The following CORO7 variants were observed in gnomAD, a reference collection of about 807,000 sequenced individuals.
CORO7 encodes coronin 7, also known as coronin-7.
A neutral mutation model predicts 126.6 loss-of-function variants in CORO7; 107 were observed. That is an observed-to-expected ratio of 0.85 (90% CI 0.72 to 0.99). The LOEUF is 0.99. Ranked by LOEUF, CORO7 falls within the 50% of genes least tolerant of loss-of-function variation. The probability of loss-of-function intolerance (pLI) is 0.00; values close to 1 mark genes in which losing one functional copy is unlikely to be tolerated. For synonymous variants in CORO7, 603 were observed against 536.8 expected, an observed-to-expected ratio of 1.12 and a Z score of -1.70; for missense variants, 1,314 against 1,255.8, an observed-to-expected ratio of 1.05 and a Z score of -0.70.
chr16:4,408,336 C>A, intron 3 of CORO7, 85 bp from the exon 4 acceptor site: 2 of 1,580,060 alleles, frequency 1.3e-6, no homozygotes, highest in East Asian at 4.5e-5. Context: ...CGAGGTGACA[C>A]TTTTGTGTGC....
In CORO7 at chr16:4,405,474, C is replaced by A. The variant is rs768145970; in HGVS notation, c.564+17G>T. ...CCTGCACAGAGCCCCACAGGGCATC[C>A]CCACCTGCCTGCTCACCTTGCACGC... On this transcript the variant is annotated intron_variant, in intron 6 of 27. Coordinates refer to ENST00000251166, the MANE Select transcript of CORO7 (RefSeq NM_024535.5). 6.2e-7 allele frequency: 1 copy of A among 1,609,876 alleles called. No individual in the cohort carries two copies. The highest frequency in any genetic ancestry group is 1.7e-5 in the Admixed American group (1 of 59,910).
intron 9 of CORO7, chr16:4,382,396 C>T (rs369554835): frequency 5.6e-6 from 9 of 1,611,932 alleles, no homozygotes; most frequent in East Asian, 2.2e-5. Context: ...CCCTGATAAG[C>T]GGCTGGTGAC....
Position 4,381,008 on chromosome 16 carries a change from C to A in CORO7, c.785+6978G>T. On this transcript the variant is annotated intron_variant, in intron 9 of 27. Transcript: ENST00000251166. ...GTCTTCTGCACTGCCCGCCAGGGGA[C>A]CACGGTGCCCCGAGACGTGCCACCC... The A allele has an allele frequency of 6.2e-7, 1 of 1,608,920 alleles. No individual in the cohort carries two copies. The highest frequency in any genetic ancestry group is 1.7e-5 in the Admixed American group (1 of 59,634).
At chr16:4,411,351 C>T (rs1285164192) in intron 3 of CORO7, among the ~76,000 whole-genome samples, 1 of 152,014 alleles carries the variant, frequency 6.6e-6, no homozygotes, top group Non-Finnish European at 1.5e-5. Context: ...CATGATTATG[C>T]CACTGCACTC....
Position 4,362,626 on chromosome 16 carries a change from A to G in CORO7, c.1388T>C (p.Leu463Pro), listed in dbSNP as rs554085147. Residue 463 changes from leucine to proline, a missense_variant, in exon 15 of 28, where the codon CTG (leucine) becomes CCG (proline). Physicochemically the swap from Leu to Pro is moderately conservative, Grantham distance 98 (BLOSUM62 -3). Transcript: ENST00000251166. The surrounding 1 kb of genome is among the most constrained non-coding windows in gnomAD (Gnocchi z 5.3). ...TGCCTCCTTACCCAGCAGGCTCTGCAGCGACCTCAAACTGGGGCTGGTCCC... is the reference window on the plus strand; with the variant it reads ...TGCCTCCTTACCCAGCAGGCTCTGCGGCGACCTCAAACTGGGGCTGGTCCC... ...GIGTSPSLRS[L>P]QSLLGPSSKF... 1.9e-5 allele frequency: 30 copies of G among 1,561,930 alleles called. No individual in the cohort carries two copies. The East Asian group carries it at 5.8e-4, about 30-fold the overall frequency.
chr16:4,397,885 G>T (rs1481972353), intron 6 of CORO7, among the ~76,000 whole-genome samples: 1 of 152,142 alleles, frequency 6.6e-6, no homozygotes, highest in Non-Finnish European at 1.5e-5. Context: ...AAAGTGCTGG[G>T]ATTACAGGTG....
chr16:4,399,340 G>A (rs998537392), intron 6 of CORO7, among the ~76,000 whole-genome samples: 19 of 152,188 alleles, frequency 1.2e-4, no homozygotes, highest in African/African-American at 3.9e-4. Flanking sequence ...AACCCTTGAC[G>A]ATGCAGCATT....
intron 9 of CORO7, among the ~76,000 whole-genome samples, chr16:4,387,547 TCCACCC>T: frequency 1.4e-5 from 1 of 73,092 alleles, no homozygotes. Context: ...CACCTCCACC[TCCACCC>T]CCACCCCCAC....
At chr16:4,409,908 G>A (rs148613529) in intron 3 of CORO7, among the ~76,000 whole-genome samples, 73 of 152,330 alleles carry the variant, frequency 4.8e-4, no homozygotes, top group Non-Finnish European at 8.2e-4. Flanking sequence ...TGCCTCTAGG[G>A]CAGGTTCCAG....
In CORO7 at chr16:4,359,279, CGCCAGGGTGGCCTCACCTTGTGGGG is replaced by C; in HGVS notation, c.2332_2340+16del. On this transcript the variant is annotated splice_donor_variant and splice_donor_5th_base_variant and coding_sequence_variant and intron_variant, in exon 23 of 28. Coordinates refer to ENST00000251166, the MANE Select transcript of CORO7 (RefSeq NM_024535.5). LOFTEE classifies it high-confidence loss of function. ...CCTTGTGGTCCCATCGGGGACGAGG[CGCCAGGGTGGCCTCACCTTGTGGGG>C]GTCAGGCGACGTGAAGCTGTTGCAC... The C allele has an allele frequency of 6.3e-7, 1 of 1,584,686 alleles. No individual in the cohort carries two copies. The highest frequency in any genetic ancestry group is 8.6e-7 in the Non-Finnish European group (1 of 1,166,856).
rs1447084992 is a variant in CORO7, at chr16:4,361,392, C to A, written c.1656G>T (p.Trp552Cys). 1.2e-6 allele frequency: 2 copies of A among 1,612,022 alleles called. No homozygotes were observed. Among genetic ancestry groups the A allele is most frequent in the African/African-American group, 2.7e-5 (2 of 74,882 alleles). Residue 552 changes from tryptophan (W) to cysteine (C), a missense_variant, in exon 17 of 28, where the codon TGG becomes TGT. By Grantham distance (215) the Trp-to-Cys change is radical (BLOSUM62 -2). Coordinates refer to ENST00000251166, the MANE Select transcript of CORO7 (RefSeq NM_024535.5). ...CGAGGCGATGGGGGTCAAAGGGGTC[C>A]CAGGCCAGATCAGTCACAGCTGCCC... ...QNGAAVTDLA[W>C]DPFDPHRLAV...
intron 24 of CORO7, 35 bp downstream of exon 24, chr16:4,358,332 C>T (rs371511082): frequency 1.4e-5 from 22 of 1,603,640 alleles, no homozygotes; most frequent in African/African-American, 5.4e-5. Flanking sequence ...ACCGAGAAGG[C>T]GGTGGGCATG....
intron 9 of CORO7, 122 bp from the exon 10 acceptor site, chr16:4,365,667 G>T: frequency 7.6e-7 from 1 of 1,310,954 alleles, no homozygotes; most frequent in Non-Finnish European, 1.1e-6. Flanking sequence ...ATCCAGCCAT[G>T]TTCAGCCTGG....
At chr16:4,414,190 CAAAAAAAAA>C (rs61676929) in intron 1 of CORO7, 1 of 114,866 alleles carries the variant, frequency 8.7e-6, no homozygotes, top group East Asian at 2.5e-4. Context: ...GACTCCATCT[CAAAAAAAAA>C]AAAAAAAAGA....
intron 9 of CORO7, among the ~76,000 whole-genome samples, chr16:4,384,846 C>G (rs2055136065): frequency 6.6e-6 from 1 of 152,196 alleles, no homozygotes; most frequent in Non-Finnish European, 1.5e-5. Flanking sequence ...CCTGCCTCCC[C>G]CGGCCCGTGG....
Position 4,386,840 on chromosome 16 carries a change from G to A in CORO7, c.785+1146C>T, listed in dbSNP as rs72766584. Among the ~76,000 whole-genome samples the A allele has an allele frequency of 1.4e-3, 208 of 152,272 alleles. 1 individual carries two copies. The highest frequency in any genetic ancestry group is 4.4e-3 in the African/African-American group (184 of 41,552). ...CCCTCCTCTGGGCGGCTCTCAGCCC[G>A]GGGAAGCCCTTGGCAGGAGCTCTCG... On this transcript the variant is annotated intron_variant, in intron 9 of 27. Transcript: ENST00000251166.
chr16:4,360,641 C>T (rs2054137060), intron 19 of CORO7, 93 bp from the exon 20 acceptor site: 3 of 1,461,660 alleles, frequency 2.1e-6, no homozygotes. Flanking sequence ...GCTGGCGCCG[C>T]CCCTCCTCAC....
chr16:4,408,927 C>T (rs2056106795), intron 3 of CORO7, among the ~76,000 whole-genome samples: 1 of 152,180 alleles, frequency 6.6e-6, no homozygotes, highest in Non-Finnish European at 1.5e-5. Flanking sequence ...CACACCACTG[C>T]ATTCCAGCCT....
At chr16:4,393,017 C>G (rs1446732255) in intron 7 of CORO7, among the ~76,000 whole-genome samples, 1 of 152,244 alleles carries the variant, frequency 6.6e-6, no homozygotes, top group Admixed American at 6.5e-5. Context: ...TCTATCCCCA[C>G]CTCGGCATCA....
Sources: allele counts gnomAD v4.1 joint callset (sites outside exome capture counted in the v4.1 genomes callset), GRCh38; gene constraint gnomAD v4.1.1; non-coding constraint Gnocchi (gnomAD v3.1); transcripts MANE v1.5; gene names NCBI Gene and HGNC (gene_info 2026-07-23, HGNC 2026-07-21).